The following NRXN1 variants were observed in gnomAD, a reference collection of about 807,000 sequenced individuals.
NRXN1 encodes the protein neurexin-1.
NRXN1 carries 39 observed loss-of-function variants against 150.9 expected under a neutral mutation model. That is an observed-to-expected ratio of 0.26 (90% confidence interval 0.20 to 0.34). The LOEUF (loss-of-function observed/expected upper bound fraction) is 0.34. Ranked by LOEUF, NRXN1 falls within the 10% of genes least tolerant of loss-of-function variation. The probability of loss-of-function intolerance (pLI) is 1.00; values close to 1 mark genes in which losing one functional copy is unlikely to be tolerated. For synonymous variants in NRXN1, 924 were observed against 757.0 expected (o/e 1.22, Z -3.62); for missense variants, 1,815 against 1,949.9 (o/e 0.93, Z 1.30).
chr2:50,752,680 A>G (rs1161052125), intron 5 of NRXN1, among the ~76,000 whole-genome samples: 2 of 151,422 alleles, frequency 1.3e-5, no homozygotes, highest in African/African-American at 4.8e-5. Context: ...CTGAAAGCCT[A>G]TTTAACACAA....
At chr2:50,125,035 A>G (rs982951955) in intron 18 of NRXN1, among the ~76,000 whole-genome samples, 3 of 152,164 alleles carry the variant, frequency 2.0e-5, no homozygotes, top group Admixed American at 6.5e-5. Context: ...GTATACAAAC[A>G]TATACATGTA....
chr2:50,331,468 CAAA>C (rs938590352), intron 17 of NRXN1, among the ~76,000 whole-genome samples: 13 of 152,054 alleles, frequency 8.5e-5, no homozygotes, highest in Admixed American at 2.6e-4. Flanking sequence ...ACACCAAAAA[CAAA>C]GAAGTAGCTG....
intron 2 of NRXN1, among the ~76,000 whole-genome samples, chr2:51,015,606 GA>G (rs1668541550): frequency 6.6e-6 from 1 of 151,726 alleles, no homozygotes; most frequent in Non-Finnish European, 1.5e-5. Flanking sequence ...GTACTTTTAT[GA>G]AGGAAATCAA....
chr2:50,864,936 G>T (rs942837748), intron 5 of NRXN1, among the ~76,000 whole-genome samples: 16 of 152,112 alleles, frequency 1.1e-4, no homozygotes, highest in African/African-American at 3.6e-4. Context: ...AGGGAAGGTC[G>T]ATGCTGACAG....
At chr2:50,352,297 T>G (rs1205112283) in intron 17 of NRXN1, among the ~76,000 whole-genome samples, 3 of 152,134 alleles carry the variant, frequency 2.0e-5, no homozygotes, top group Admixed American at 6.5e-5. Flanking sequence ...CATTTCAAGT[T>G]ATTTCTTCAT....
chr2:50,489,653 G>A lies in NRXN1; in HGVS notation c.3070+6252C>T, dbSNP rs199597746. On this transcript the variant is annotated intron_variant, in intron 15 of 22. Transcript: ENST00000401669. ...ACGTGATTCTAATGGTGGGAAGAGA[G>A]ATTTCAAATAATATAGTTGGAGGGA... 1.1e-4 allele frequency among the ~76,000 whole-genome samples: 17 copies of A among 152,218 alleles called. No homozygotes were observed. The East Asian group carries it at 3.1e-3, about 28-fold the overall frequency.
chr2:50,585,776 G>A (rs1472464079), intron 8 of NRXN1, among the ~76,000 whole-genome samples: 1 of 152,094 alleles, frequency 6.6e-6, no homozygotes, highest in Non-Finnish European at 1.5e-5. Flanking sequence ...CAGTCAAGAA[G>A]AGCAGTGTAC....
intron 10 of NRXN1, among the ~76,000 whole-genome samples, chr2:50,535,570 G>A (rs2093235030): frequency 1.3e-5 from 2 of 152,140 alleles, no homozygotes; most frequent in African/African-American, 4.8e-5. Context: ...ACATATAACA[G>A]AATAATTTTT....
At chr2:50,606,676 A>C (rs1677182934) in intron 8 of NRXN1, among the ~76,000 whole-genome samples, 1 of 151,746 alleles carries the variant, frequency 6.6e-6, no homozygotes, top group Non-Finnish European at 1.5e-5. Context: ...ATTTGGCTAG[A>C]TGACATAGTT....
chr2:50,194,642 C>T (rs558865894), intron 18 of NRXN1, among the ~76,000 whole-genome samples: 4 of 152,168 alleles, frequency 2.6e-5, no homozygotes, highest in African/African-American at 4.8e-5. Context: ...CATCTTTGCT[C>T]TATGATGCTG....
intron 5 of NRXN1, among the ~76,000 whole-genome samples, chr2:50,765,994 T>C (rs1162344986): frequency 6.6e-6 from 1 of 152,078 alleles, no homozygotes; most frequent in Admixed American, 6.6e-5. Context: ...TTGAAAGTCC[T>C]GGCCCTTTGC....
At chr2:50,969,521 G>A (rs191754276) in intron 2 of NRXN1, among the ~76,000 whole-genome samples, 1 of 152,176 alleles carries the variant, frequency 6.6e-6, no homozygotes, top group East Asian at 1.9e-4. Context: ...TATCTTTCAG[G>A]AAAGATTTGT....
intron 17 of NRXN1, among the ~76,000 whole-genome samples, chr2:50,327,772 C>G (rs1039061133): frequency 6.6e-6 from 1 of 151,960 alleles, no homozygotes; most frequent in African/African-American, 2.4e-5. Flanking sequence ...GCTTCAGCCT[C>G]CTGAGTAGCT....
intron 17 of NRXN1, among the ~76,000 whole-genome samples, chr2:50,378,136 G>A (rs917187453): frequency 3.9e-5 from 6 of 152,144 alleles, no homozygotes; most frequent in African/African-American, 7.2e-5. Context: ...ATCAGCCATG[G>A]AAATATGCAT....
chr2:50,296,351 C>CT (rs1253059480), intron 17 of NRXN1, among the ~76,000 whole-genome samples: 2 of 152,046 alleles, frequency 1.3e-5, no homozygotes, highest in African/African-American at 4.8e-5. Context: ...TGAACAACAT[C>CT]TTTTTTGTTC....
At chr2:50,431,210 A>G (rs1014768075) in intron 17 of NRXN1, among the ~76,000 whole-genome samples, 3 of 152,160 alleles carry the variant, frequency 2.0e-5, no homozygotes, top group Non-Finnish European at 2.9e-5. Context: ...AACATAAGCC[A>G]GCAATTTTTC....
rs1360237646 is a variant in NRXN1 at position 50,522,741 on chromosome 2, T to C, written c.2374+5884A>G. Reference sequence around the variant, plus strand: ...ATTCATTTTTTTTTTTTTTTTTTTTTTTTTTTTTTGAGAGGAGTCTTGCTC... The same window carrying C: ...ATTCATTTTTTTTTTTTTTTTTTTTCTTTTTTTTTGAGAGGAGTCTTGCTC... On this transcript the variant is annotated intron_variant, in intron 12 of 22. Coordinates refer to ENST00000401669, the MANE Select transcript of NRXN1 (RefSeq NM_001330078.2). Among the ~76,000 whole-genome samples, 67 of 131,230 alleles carry C rather than the reference T, an allele frequency of 5.1e-4. 2 individuals are homozygous for C. Among genetic ancestry groups the C allele is most frequent in the African/African-American group, 1.3e-3 (44 of 33,806 alleles). The allele number at this position is 131,230 out of a possible 152,430, so 86.1% of individuals were successfully genotyped here. A position where few individuals can be genotyped will look rare whatever the true frequency, so the allele number is the denominator to read the frequency against.
At chr2:50,191,115 G>A (rs551426650) in intron 18 of NRXN1, among the ~76,000 whole-genome samples, 4 of 151,396 alleles carry the variant, frequency 2.6e-5, no homozygotes, top group Admixed American at 6.6e-5. Context: ...TATAACCTCC[G>A]CCTCCCAGGT....
chr2:50,758,934 T>TA (rs565846505), intron 5 of NRXN1, among the ~76,000 whole-genome samples: 96 of 151,994 alleles, frequency 6.3e-4, no homozygotes, highest in African/African-American at 2.2e-3. Flanking sequence ...TTCAAGTTTT[T>TA]ATCCCATAAA....
Sources: gnomAD v4.1 joint callset for allele counts (sites outside exome capture counted in the v4.1 genomes callset) on GRCh38, gnomAD v4.1.1 for gene constraint, MANE v1.5 for transcripts, NCBI Gene and HGNC (gene_info 2026-07-23, HGNC 2026-07-21) for gene names.